Variants in AIFM2 observed in about 807,000 individuals in gnomAD.
AIFM2 encodes the protein ferroptosis suppressor protein 1.
In AIFM2, 38 loss-of-function variants were observed where a neutral mutation model predicts 35.7. The observed-to-expected ratio is 1.06, with a 90% CI of 0.82 to 1.39. The LOEUF (loss-of-function observed/expected upper bound fraction) is 1.39. Among genes scored for constraint, AIFM2 ranks in the 40% most tolerant of loss-of-function variants. AIFM2 has a pLI of 0.00. For missense variants in AIFM2, 476 were observed against 491.2 expected (o/e 0.97, Z 0.29); for synonymous variants, 185 against 203.5 (o/e 0.91, Z 0.77).
At chr10:70,128,930 A>G (rs2072598321) in intron 1 of AIFM2, among the ~76,000 whole-genome samples, 1 of 152,180 alleles carries the variant, frequency 6.6e-6, no homozygotes, top group Non-Finnish European at 1.5e-5. Flanking sequence ...GCTTCATACC[A>G]CTGCACTTCG....
At chr10:70,124,428 G>GT (rs1467035355) in intron 1 of AIFM2, among the ~76,000 whole-genome samples, 1 of 152,120 alleles carries the variant, frequency 6.6e-6, no homozygotes, top group Non-Finnish European at 1.5e-5. Flanking sequence ...CTGCACATTT[G>GT]TTTTTTACTT....
At position 70,116,619 on chromosome 10, in the gene AIFM2, C is replaced by G. The variant is rs762281437; in HGVS notation, c.769+3G>C. ...GGGGAAGCCCGGCTGGGCACCTGCT[C>G]ACCAAACGCTTTGCGGTAGGCGGAG... On this transcript the variant is annotated splice_donor_region_variant and intron_variant, in intron 7 of 8. Coordinates refer to ENST00000307864, the MANE Select transcript of AIFM2 (RefSeq NM_032797.6). The G allele has an allele frequency of 6.2e-7, 1 of 1,613,368 alleles. No individual in the cohort carries two copies. The highest frequency in any genetic ancestry group is 8.5e-7 in the Non-Finnish European group (1 of 1,179,898).
chr10:70,126,923 C>G (rs79731829), intron 1 of AIFM2, among the ~76,000 whole-genome samples: 2 of 16,980 alleles, frequency 1.2e-4, no homozygotes, highest in Admixed American at 7.9e-4. Flanking sequence ...CCCAAGACAA[C>G]CCCCCGGCAG....
intron 3 of AIFM2, 70 bp from the exon 4 acceptor site, chr10:70,121,281 C>T (rs2072502708): frequency 7.0e-7 from 1 of 1,437,726 alleles, no homozygotes; most frequent in African/African-American, 1.5e-5. Flanking sequence ...CAGGGCAGGC[C>T]TAGGCCTCTG....
rs368213968 is a variant in AIFM2, at chr10:70,128,004, G to A, written c.-13-3907C>T. 6.6e-5 allele frequency among the ~76,000 whole-genome samples: 10 copies of A among 152,222 alleles called. No individual in the cohort carries two copies. In the East Asian group the frequency reaches 1.3e-3, roughly 20 times the overall value. ...TGGCAGCCCCTTGCCCAATACTCTT[G>A]GACATGCCGACTCTCTTTGGCTCTG... On this transcript the variant is annotated intron_variant, in intron 1 of 8. Transcript: ENST00000307864.
rs564355225 is a variant in AIFM2 at position 70,114,845 on chromosome 10, G to A, written c.970+75C>T. 1.9e-5 allele frequency: 29 copies of A among 1,505,492 alleles called. No individual in the cohort carries two copies. In the African/African-American group the frequency reaches 3.5e-4, roughly 18 times the overall value. The allele number at this position is 1,505,492 out of a possible 1,614,324, so 93.3% of individuals were successfully genotyped here. On this transcript the variant is annotated intron_variant, in intron 8 of 8. Transcript: ENST00000307864. ...AGTTTGTTCTAGTGGCCAGGTATGGGATAGCCCAAAAAGGCTTCCCCATGT... is the reference window on the plus strand; with the variant it reads ...AGTTTGTTCTAGTGGCCAGGTATGGAATAGCCCAAAAAGGCTTCCCCATGT...
rs1434727551 is a variant in AIFM2 at position 70,113,049 on chromosome 10, C to T, written c.*1129G>A. 6.6e-6 allele frequency: 1 copy of T among 152,240 alleles called. No homozygotes were observed. The highest frequency in any genetic ancestry group is 2.1e-4 in the South Asian group (1 of 4,832). The allele number at this position is 152,240 out of a possible 1,614,324, so 9.4% of individuals were successfully genotyped here. On this transcript the variant is annotated 3_prime_UTR_variant, in exon 9 of 9. Transcript: ENST00000307864. ...CTCGCTAATGGGTAAGCAGATGGCA[C>T]CCCGCAAAGAGTCACATTATCTGCC...
At chr10:70,130,989 C>A (rs1223237071) in intron 1 of AIFM2, among the ~76,000 whole-genome samples, 1 of 152,186 alleles carries the variant, frequency 6.6e-6, no homozygotes, top group Admixed American at 6.5e-5. Context: ...CCTGTTTTCT[C>A]TGCCAAGAGC....
chr10:70,117,756 A>G lies in AIFM2; in HGVS notation c.616+56T>C. The G allele has an allele frequency of 6.9e-7, 1 of 1,448,156 alleles. No homozygotes were observed. The highest frequency in any genetic ancestry group is 1.2e-5 in the South Asian group (1 of 80,424). 89.7% of individuals were successfully genotyped at this position (1,448,156 alleles called of 1,614,324 possible). A position where few individuals can be genotyped will look rare whatever the true frequency, so the allele number is the denominator to read the frequency against. On this transcript the variant is annotated intron_variant, in intron 6 of 8. Coordinates refer to ENST00000307864, the MANE Select transcript of AIFM2 (RefSeq NM_032797.6). The surrounding 1 kb of genome is among the most constrained non-coding windows in gnomAD (Gnocchi z 4.7). ...TGCTGGAAGCAGTCACCAAGCCTCC[A>G]AGCCACATCTCACCAGGCCAGGGCA...
intron 3 of AIFM2, among the ~76,000 whole-genome samples, chr10:70,121,729 TAATAA>T (rs971111031): frequency 1.3e-5 from 2 of 150,906 alleles, no homozygotes; most frequent in Non-Finnish European, 3.0e-5. Context: ...TAAAAATAAA[TAATAA>T]AATAATTTAA....
chr10:70,120,720 C>T, intron 4 of AIFM2, 121 bp from the exon 5 acceptor site: 1 of 1,094,368 alleles, frequency 9.1e-7, no homozygotes, highest in Non-Finnish European at 1.4e-6. Context: ...ACCCTTTCCA[C>T]ATTTTGAGTC....
At position 70,117,704 on chromosome 10, in the gene AIFM2, G is replaced by A. The variant is rs2072453091; in HGVS notation, c.616+108C>T. Reference sequence around the variant, plus strand: ...CCCAGGACACAGTGGAAAAGAGAGAGCCTGGGGTGGACCATAGCCACCCTC... The same window carrying A: ...CCCAGGACACAGTGGAAAAGAGAGAACCTGGGGTGGACCATAGCCACCCTC... On this transcript the variant is annotated intron_variant, in intron 6 of 8. Coordinates refer to ENST00000307864, the MANE Select transcript of AIFM2 (RefSeq NM_032797.6). This position sits in a 1 kb window ranked among gnomAD's most constrained non-coding sequence, Gnocchi z 4.7. 3 of 838,784 alleles carry A rather than the reference G, an allele frequency of 3.6e-6. No homozygotes were observed. The allele number at this position is 838,784 out of a possible 1,614,324, so 52.0% of individuals were successfully genotyped here.
rs544088598 is a variant in AIFM2 at position 70,114,301 on chromosome 10, C to G, written c.999G>C (p.Gly333=). 2.5e-6 allele frequency: 4 copies of G among 1,613,978 alleles called. No individual in the cohort carries two copies. The highest frequency in any genetic ancestry group is 1.7e-5 in the Admixed American group (1 of 60,000). The change falls in exon 9 of 9, where the codon GGG becomes GGC. Residue 333 remains glycine, a synonymous_variant. Coordinates refer to ENST00000307864, the MANE Select transcript of AIFM2 (RefSeq NM_032797.6). ...PGALTFLLSM[G]RNDGVGQISG... ...TGATTTGGCCCACACCGTCATTTCT[C>G]CCCATGGACAGGAGGAACGTCAGTG...
At chr10:70,125,473 C>G (rs1312811537) in intron 1 of AIFM2, among the ~76,000 whole-genome samples, 3 of 96,610 alleles carry the variant, frequency 3.1e-5, no homozygotes, top group Admixed American at 2.1e-4. Flanking sequence ...AAAAAAAAAG[C>G]CAGGCGTGGT....
At chr10:70,115,884 G>A (rs1223416524) in intron 7 of AIFM2, among the ~76,000 whole-genome samples, 3 of 152,186 alleles carry the variant, frequency 2.0e-5, no homozygotes, top group African/African-American at 7.2e-5. Flanking sequence ...TACAACATTA[G>A]GACAATTTGG....
At chr10:70,118,052 T>G in intron 5 of AIFM2, 132 bp from the exon 6 acceptor site, 1 of 674,442 alleles carries the variant, frequency 1.5e-6, no homozygotes, top group Non-Finnish European at 2.6e-6. Context: ...AGAAGTAATC[T>G]GTCCAATGCC....
Position 70,114,117 on chromosome 10 carries a change from C to A in AIFM2, c.*61G>T. On this transcript the variant is annotated 3_prime_UTR_variant, in exon 9 of 9. Coordinates refer to ENST00000307864, the MANE Select transcript of AIFM2 (RefSeq NM_032797.6). The stretch of plus-strand genomic sequence containing the variant: ...AGTTCTAGCACTTGCCAGGCGGGTG[C>A]CATGCGCCAAGCAGTCCGTACGCCC... The A allele has an allele frequency of 1.3e-6, 2 of 1,547,226 alleles. No homozygotes were observed. The highest frequency in any genetic ancestry group is 1.7e-6 in the Non-Finnish European group (2 of 1,150,036).
Position 70,116,727 on chromosome 10 carries a change from C to G in AIFM2, c.664G>C (p.Glu222Gln), listed in dbSNP as rs2072440571. Residue 222 changes from glutamate (E) to glutamine (Q), a missense_variant, in exon 7 of 9, where the codon GAG (glutamate) becomes CAG (glutamine). By Grantham distance (29) the Glu-to-Gln change is conservative. Transcript: ENST00000307864. The stretch of plus-strand genomic sequence containing the variant: ...TTGTCCGTCTGCACTTTGATGTACT[C>G]TCGATACTCATTGAGAGGCAGCTCC... ...LEELPLNEYR[E>Q]YIKVQTDKGT... 3.1e-6 allele frequency: 5 copies of G among 1,614,214 alleles called. No homozygotes were observed. Among genetic ancestry groups the G allele is most frequent in the Non-Finnish European group, 3.4e-6 (4 of 1,180,034 alleles).
At chr10:70,128,559 C>T (rs906885951) in intron 1 of AIFM2, among the ~76,000 whole-genome samples, 3 of 152,244 alleles carry the variant, frequency 2.0e-5, no homozygotes, top group African/African-American at 4.8e-5. Context: ...GTCAGGGTTT[C>T]GCCGTGTCGG....
Sources: allele counts gnomAD v4.1 joint callset (sites outside exome capture counted in the v4.1 genomes callset), GRCh38; gene constraint gnomAD v4.1.1; non-coding constraint Gnocchi (gnomAD v3.1); transcripts MANE v1.5; gene names NCBI Gene and HGNC (gene_info 2026-07-23, HGNC 2026-07-21).